Variants in UPP2 observed in about 807,000 individuals in gnomAD.
The protein encoded by UPP2 is uridine phosphorylase 2, also known as UPase 2.
UPP2 carries 23 observed loss-of-function variants against 26.7 expected under a neutral mutation model. That is an observed-to-expected ratio of 0.86 (90% CI 0.62 to 1.22). The LOEUF (loss-of-function observed/expected upper bound fraction) is 1.22. Among genes scored for constraint, UPP2 ranks in the 50% most tolerant of loss-of-function variants. The pLI is 0.00. For missense variants in UPP2, 387 were observed against 396.7 expected (o/e 0.98, Z 0.21); for synonymous variants, 127 against 141.3 (o/e 0.90, Z 0.72).
At chr2:158,082,269 T>C (rs2105195530) in intron 3 of UPP2, among the ~76,000 whole-genome samples, 1 of 152,282 alleles carries the variant, frequency 6.6e-6, no homozygotes, top group Middle Eastern at 3.4e-3. Context: ...GAATAAGTTA[T>C]TTAATGGTGA....
At chr2:158,133,004 A>G (rs1683855774) in intron 6 of UPP2, among the ~76,000 whole-genome samples, 1 of 152,212 alleles carries the variant, frequency 6.6e-6, no homozygotes, top group Non-Finnish European at 1.5e-5. Flanking sequence ...TAAGCTAGCA[A>G]TCCCACCTCT....
chr2:158,039,333 C>T (rs949815357), intron 3 of UPP2, among the ~76,000 whole-genome samples: 1 of 152,222 alleles, frequency 6.6e-6, no homozygotes, highest in African/African-American at 2.4e-5. Flanking sequence ...CAAGATTCTT[C>T]ACCTCAGAAT....
rs574013594 is a variant in UPP2, at chr2:158,031,823, C to CAAGGTTTT, written c.147+15937_147+15938insAAGGTTTT. ...TTTGGTTTTCTTCAAAACTGGAATC[C>CAAGGTTTT]CTTGGATGGGTAAAATACTAGCGTT... On this transcript the variant is annotated intron_variant, in intron 3 of 9. Transcript: ENST00000605860. Among the ~76,000 whole-genome samples the CAAGGTTTT allele has an allele frequency of 6.0e-4, 92 of 152,234 alleles. 4 individuals carry two copies. In the South Asian group the frequency reaches 0.018, roughly 30 times the overall value.
chr2:158,009,287 T>A (rs2105139588), intron 2 of UPP2, among the ~76,000 whole-genome samples: 1 of 151,996 alleles, frequency 6.6e-6, no homozygotes, highest in Admixed American at 6.5e-5. Context: ...TGTCCTTGAA[T>A]TCTTTCCAAA....
chr2:158,082,672 C>G (rs896261696), intron 3 of UPP2, among the ~76,000 whole-genome samples: 2 of 152,134 alleles, frequency 1.3e-5, no homozygotes, highest in East Asian at 1.9e-4. Flanking sequence ...GACTAAAACA[C>G]CAAAAGCAAT....
At chr2:158,016,739 T>C (rs994567195) in intron 3 of UPP2, among the ~76,000 whole-genome samples, 10 of 152,160 alleles carry the variant, frequency 6.6e-5, no homozygotes, top group African/African-American at 2.4e-4. Context: ...TCCTTTTCTA[T>C]AATCCTGGAG....
chr2:158,009,575 T>C (rs1482107430), intron 2 of UPP2, among the ~76,000 whole-genome samples: 1 of 152,248 alleles, frequency 6.6e-6, no homozygotes, highest in African/African-American at 2.4e-5. Context: ...TTTCTTGTCA[T>C]AGCACTGGGC....
chr2:158,024,465 A>C (rs923068203), intron 3 of UPP2, among the ~76,000 whole-genome samples: 1 of 152,214 alleles, frequency 6.6e-6, no homozygotes, highest in Non-Finnish European at 1.5e-5. Flanking sequence ...GGGAAAAATC[A>C]GGTCTAAGTG....
chr2:158,021,068 T>C (rs962626870), intron 3 of UPP2, among the ~76,000 whole-genome samples: 4 of 152,128 alleles, frequency 2.6e-5, no homozygotes, highest in Non-Finnish European at 5.9e-5. Context: ...GTGAAGCCCA[T>C]GGATCCCTTC....
chr2:158,015,365 C>T (rs1683641439), intron 2 of UPP2, among the ~76,000 whole-genome samples: 1 of 152,190 alleles, frequency 6.6e-6, no homozygotes, highest in African/African-American at 2.4e-5. Flanking sequence ...GCTTATTTCA[C>T]CTAACATGAT....
In UPP2 at chr2:158,134,998, C is replaced by A; in HGVS notation, c.*108C>A. ...TTTTTATATAGTTCTCATCCACATG[C>A]TAAATGGAAAGACTTTATGAAATCC... On this transcript the variant is annotated 3_prime_UTR_variant, in exon 7 of 7. Coordinates refer to ENST00000005756, the MANE Select transcript of UPP2 (RefSeq NM_173355.4). 1 of 1,275,182 alleles carries A rather than the reference C, an allele frequency of 7.8e-7. No homozygotes were observed. Among genetic ancestry groups the A allele is most frequent in the Non-Finnish European group, 1.0e-6 (1 of 968,114 alleles). 79.0% of individuals were successfully genotyped at this position (1,275,182 alleles called of 1,614,324 possible).
At chr2:158,067,482 C>T (rs1408071029) in intron 3 of UPP2, among the ~76,000 whole-genome samples, 1 of 151,968 alleles carries the variant, frequency 6.6e-6, no homozygotes, top group Non-Finnish European at 1.5e-5. Context: ...AATTCCTCTT[C>T]ACTGCCTTTG....
At chr2:158,065,748 A>G in intron 3 of UPP2, 1 of 683,346 alleles carries the variant, frequency 1.5e-6, no homozygotes, top group African/African-American at 1.8e-5. Context: ...TGTTCTCGAT[A>G]GGCCTTTTGA....
At chr2:158,122,557 G>C (rs1032058557) in intron 5 of UPP2, among the ~76,000 whole-genome samples, 2 of 152,088 alleles carry the variant, frequency 1.3e-5, no homozygotes, top group Non-Finnish European at 2.9e-5. Context: ...TGTTAAAGCA[G>C]AATTTGCAAA....
At chr2:158,114,963 A>G in intron 2 of UPP2, 138 bp from the exon 3 acceptor site, 1 of 771,564 alleles carries the variant, frequency 1.3e-6, no homozygotes, top group Non-Finnish European at 1.8e-6. Context: ...TAGCTAATTC[A>G]TGGAACATAA....
chr2:158,096,600 A>AAAAT lies in UPP2; in HGVS notation c.148-5422_148-5419dup, dbSNP rs529079139. Among the ~76,000 whole-genome samples, 903 of 152,092 alleles carry AAAAT rather than the reference A, an allele frequency of 5.9e-3. 12 individuals carry two copies. Among genetic ancestry groups the AAAAT allele is most frequent in the South Asian group, 0.024 (115 of 4,818 alleles). On this transcript the variant is annotated intron_variant, in intron 3 of 9. Coordinates refer to the UPP2 transcript ENST00000605860. ...GCTGACAGAGCAAGACTCTGTCTCA[A>AAAAT]AAATAAATAAATAAATAAATATAAT...
chr2:158,086,009 G>A (rs1036649744), intron 3 of UPP2, among the ~76,000 whole-genome samples: 9 of 151,994 alleles, frequency 5.9e-5, no homozygotes, highest in African/African-American at 2.2e-4. Flanking sequence ...GGGTGATACT[G>A]GCTTCATTGA....
intron 3 of UPP2, among the ~76,000 whole-genome samples, chr2:158,026,339 G>A (rs367736217): frequency 1.3e-5 from 2 of 152,116 alleles, no homozygotes; most frequent in East Asian, 3.9e-4. Flanking sequence ...GACAGTGTGG[G>A]GCCCAAGTAA....
intron 3 of UPP2, among the ~76,000 whole-genome samples, chr2:158,087,354 C>T (rs1682833675): frequency 6.6e-6 from 1 of 152,066 alleles, no homozygotes. Context: ...CTTCTTCCAC[C>T]CCTTTACCTT....
Sources: allele counts gnomAD v4.1 joint callset (sites outside exome capture counted in the v4.1 genomes callset), GRCh38; gene constraint gnomAD v4.1.1; transcripts MANE v1.5; gene names NCBI Gene and HGNC (gene_info 2026-07-23, HGNC 2026-07-21).